ALG6: variants seen among roughly 807,000 people sequenced by gnomAD.
ALG6 encodes ALG6 alpha-1,3-glucosyltransferase.
ALG6 carries 46 observed loss-of-function variants against 66.6 expected under a neutral mutation model. The observed-to-expected ratio is 0.69, with a 90% CI of 0.55 to 0.88. The LOEUF is 0.88. ALG6 is among the 40% of genes least tolerant of loss of function. The pLI is 0.00. For synonymous variants in ALG6, 185 were observed against 203.7 expected (o/e 0.91, Z 0.78); for missense variants, 505 against 586.8 (o/e 0.86, Z 1.44).
rs1644693392 is a variant in ALG6, at chr1:63,437,743, GAA to G, written c.*724_*725del. On this transcript the variant is annotated 3_prime_UTR_variant, in exon 15 of 15. Coordinates refer to ENST00000263440, the MANE Select transcript of ALG6 (RefSeq NM_013339.4). ...TAACTTAACTTTAAGTGGTTTGAGTGAAGTCTTCTAAATTACACATAATCACT... is the reference window on the plus strand; with the variant it reads ...TAACTTAACTTTAAGTGGTTTGAGTGGTCTTCTAAATTACACATAATCACT... 1 of 151,956 alleles carries G rather than the reference GAA, an allele frequency of 6.6e-6. No individual in the cohort carries two copies. The highest frequency in any genetic ancestry group is 2.4e-5 in the African/African-American group (1 of 41,366). 9.4% of individuals were successfully genotyped at this position (151,956 alleles called of 1,614,324 possible).
At position 63,400,305 on chromosome 1, in the gene ALG6, ATG is replaced by A. The variant is rs1491113481; in HGVS notation, c.168-1947_168-1946del. On this transcript the variant is annotated intron_variant, in intron 3 of 14. Coordinates refer to ENST00000263440, the MANE Select transcript of ALG6 (RefSeq NM_013339.4). Reference sequence around the variant, plus strand: ...TACGTATATATATATACGTATATATATGTATATATATATACGTATATATATAT... The same window carrying A: ...TACGTATATATATATACGTATATATATATATATATATACGTATATATATAT... 9.8e-4 allele frequency among the ~76,000 whole-genome samples: 15 copies of A among 15,308 alleles called. 3 individuals carry two copies. Among genetic ancestry groups the A allele is most frequent in the African/African-American group, 5.3e-3 (9 of 1,708 alleles). The allele number at this position is 15,308 out of a possible 152,430, so 10.0% of individuals were successfully genotyped here.
intron 12 of ALG6, among the ~76,000 whole-genome samples, chr1:63,423,588 T>C (rs1644599459): frequency 6.6e-6 from 1 of 152,230 alleles, no homozygotes; most frequent in Non-Finnish European, 1.5e-5. Flanking sequence ...CTGGATATTT[T>C]ATATAAATGG....
At chr1:63,389,115 C>T (rs1315979932) in intron 2 of ALG6, among the ~76,000 whole-genome samples, 2 of 152,100 alleles carry the variant, frequency 1.3e-5, no homozygotes, top group African/African-American at 2.4e-5. Flanking sequence ...GTATCTTTCT[C>T]TAGGTTTGGA....
intron 12 of ALG6, among the ~76,000 whole-genome samples, chr1:63,420,536 T>C (rs114161405): frequency 0.015 from 2,289 of 152,218 alleles, 60 homozygotes; most frequent in African/African-American, 0.052. Flanking sequence ...TTTAATCTAT[T>C]TTTGGTAAAT....
intron 14 of ALG6, among the ~76,000 whole-genome samples, chr1:63,434,685 T>C (rs1056463255): frequency 2.0e-5 from 3 of 152,174 alleles, no homozygotes; most frequent in Non-Finnish European, 4.4e-5. Context: ...AATTCTTCTT[T>C]TTCCAGTGTG....
At chr1:63,420,382 A>G (rs1310198762) in intron 12 of ALG6, among the ~76,000 whole-genome samples, 1 of 152,182 alleles carries the variant, frequency 6.6e-6, no homozygotes, top group Non-Finnish European at 1.5e-5. Flanking sequence ...TCAAACATGT[A>G]TTAATATATT....
chr1:63,400,320 C>CGT (rs1644455177), intron 3 of ALG6, among the ~76,000 whole-genome samples: 2 of 4,482 alleles, frequency 4.5e-4, no homozygotes, highest in Non-Finnish European at 6.5e-4. Context: ...TATATATATA[C>CGT]GTATATATAT....
intron 14 of ALG6, among the ~76,000 whole-genome samples, chr1:63,430,408 G>A (rs763777307): frequency 6.6e-6 from 1 of 152,134 alleles, no homozygotes; most frequent in Non-Finnish European, 1.5e-5. Flanking sequence ...TTTCCCTTAT[G>A]TGTATACCTG....
intron 2 of ALG6, among the ~76,000 whole-genome samples, chr1:63,375,035 C>A (rs575135420): frequency 6.6e-6 from 1 of 152,108 alleles, no homozygotes; most frequent in East Asian, 2.0e-4. Context: ...CATGGTGAAA[C>A]CCCCTTTACA....
Position 63,382,341 on chromosome 1 carries a change from A to G in ALG6, c.82+11282A>G, listed in dbSNP as rs1178594072. 2.6e-5 allele frequency among the ~76,000 whole-genome samples: 4 copies of G among 151,876 alleles called. No homozygotes were observed. In the East Asian group the frequency reaches 7.7e-4, roughly 29 times the overall value. On this transcript the variant is annotated intron_variant, in intron 2 of 14. Coordinates refer to ENST00000263440, the MANE Select transcript of ALG6 (RefSeq NM_013339.4). ...CTCAGCCTCCCAGGTAGCTGGGACT[A>G]CAAGCATGAGCCACCACGCCCAGCT...
intron 5 of ALG6, 80 bp downstream of exon 5, chr1:63,404,621 TCTTA>T (rs879206815): frequency 8.9e-7 from 1 of 1,119,252 alleles, no homozygotes. Context: ...CTATTATTGT[TCTTA>T]CTGACTTTAA....
rs187565201 is a variant in ALG6, at chr1:63,410,803, C to T, written c.495-343C>T. On this transcript the variant is annotated intron_variant, in intron 7 of 14. Coordinates refer to ENST00000263440, the MANE Select transcript of ALG6 (RefSeq NM_013339.4). ...CTTGCTGTTGGAACATTGTTTTATT[C>T]TCTAGATTTTGGTATGTTATAATAA... Among the ~76,000 whole-genome samples, 222 of 151,838 alleles carry T rather than the reference C, an allele frequency of 1.5e-3. 2 individuals carry two copies. The highest frequency in any genetic ancestry group is 5.1e-3 in the African/African-American group (212 of 41,392).
intron 2 of ALG6, among the ~76,000 whole-genome samples, chr1:63,383,735 C>A (rs1432660331): frequency 2.6e-5 from 4 of 152,150 alleles, no homozygotes; most frequent in African/African-American, 9.7e-5. Flanking sequence ...TTGTTGACTG[C>A]AGTCACCCTG....
At chr1:63,372,860 A>G (rs1469273763) in intron 2 of ALG6, among the ~76,000 whole-genome samples, 3 of 152,028 alleles carry the variant, frequency 2.0e-5, no homozygotes, top group Non-Finnish European at 4.4e-5. Flanking sequence ...AGGTTTCACC[A>G]TGTTGGTCAG....
At chr1:63,413,539 C>CGT in intron 9 of ALG6, 24 of 154,882 alleles carry the variant, frequency 1.5e-4, no homozygotes, top group South Asian at 6.0e-4. Flanking sequence ...CGGATTTCAC[C>CGT]ACCAGGAGAG....
At chr1:63,422,051 A>G (rs914620334) in intron 12 of ALG6, among the ~76,000 whole-genome samples, 4 of 140,220 alleles carry the variant, frequency 2.9e-5, no homozygotes, top group South Asian at 2.1e-4. Flanking sequence ...TAATTTATAT[A>G]TAAATATCTA....
chr1:63,407,835 G>A (rs72676146), intron 7 of ALG6, among the ~76,000 whole-genome samples: 3,092 of 152,040 alleles, frequency 0.02, 44 homozygotes, highest in Middle Eastern at 0.051. Context: ...TCTGTCAAAG[G>A]ACTTACAAAT....
chr1:63,396,578 A>T lies in ALG6; in HGVS notation c.148A>T (p.Asn50Tyr), dbSNP rs141077102. The T allele has an allele frequency of 6.2e-7, 1 of 1,613,684 alleles. No individual in the cohort carries two copies. The change falls in exon 3 of 15, where the codon AAT becomes TAT. Residue 50 changes from asparagine (N) to tyrosine (Y), a missense_variant. Asn to Tyr is a moderately radical substitution (Grantham distance 143, BLOSUM62 -2). Transcript: ENST00000263440. Reference sequence around the variant, plus strand: ...GAGACACTGGCAAGAAATAACTTTTAATTTACCGGTCAAACAATGGTATGA... The same window carrying T: ...GAGACACTGGCAAGAAATAACTTTTTATTTACCGGTCAAACAATGGTATGA... ...AQRHWQEITF[N>Y]LPVKQWYFNS...
intron 2 of ALG6, among the ~76,000 whole-genome samples, chr1:63,392,887 C>T (rs1456283796): frequency 6.6e-6 from 1 of 152,176 alleles, no homozygotes; most frequent in Non-Finnish European, 1.5e-5. Flanking sequence ...TACTCAGTGT[C>T]AGCTGAATTT....
Sources: allele counts gnomAD v4.1 joint callset (sites outside exome capture counted in the v4.1 genomes callset), GRCh38; gene constraint gnomAD v4.1.1; transcripts MANE v1.5; gene names NCBI Gene and HGNC (gene_info 2026-07-23, HGNC 2026-07-21).